INO80: variants seen among roughly 807,000 people sequenced by gnomAD.
INO80 encodes chromatin-remodeling ATPase INO80.
INO80 carries 20 observed loss-of-function variants against 203.4 expected under a neutral mutation model. The ratio of observed to expected loss-of-function variants is 0.10; its 90% CI spans 0.07 to 0.14. The LOEUF is 0.14. Among genes scored for constraint, INO80 ranks in the 10% least tolerant of loss-of-function variants. INO80 has a pLI of 1.00. For missense variants in INO80, 1,419 were observed against 1,914.4 expected, an observed-to-expected ratio of 0.74 and a Z score of 4.83; for synonymous variants, 726 against 685.2, an observed-to-expected ratio of 1.06 and a Z score of -0.93.
intron 14 of INO80, among the ~76,000 whole-genome samples, chr15:41,061,139 T>G (rs1330753189): frequency 6.6e-6 from 1 of 151,952 alleles, no homozygotes; most frequent in Non-Finnish European, 1.5e-5. Flanking sequence ...AAACTCTCTC[T>G]CTACAAAAAA....
chr15:41,049,140 T>A (rs748567887), intron 21 of INO80, 147 bp downstream of exon 21: 2 of 637,650 alleles, frequency 3.1e-6, no homozygotes, highest in African/African-American at 3.7e-5. Flanking sequence ...ATTCCTTCCA[T>A]AAGATCCCTC....
chr15:41,086,755 G>A (rs183281384), intron 6 of INO80, among the ~76,000 whole-genome samples: 14 of 152,136 alleles, frequency 9.2e-5, no homozygotes, highest in Admixed American at 7.2e-4. Flanking sequence ...TCCAGCTGCT[G>A]AGAGCTCAGT....
intron 27 of INO80, among the ~76,000 whole-genome samples, chr15:41,007,182 C>CTTTTTTTTTTTTTTT (rs11330780): frequency 4.2e-5 from 5 of 119,308 alleles, no homozygotes; most frequent in African/African-American, 6.6e-5. Flanking sequence ...TTTTTTTTTT[C>CTTTTTTTTTTTTTTT]TTTTTTTTTT....
chr15:41,073,580 T>C, intron 10 of INO80, 85 bp from the exon 11 acceptor site: 2 of 1,058,718 alleles, frequency 1.9e-6, no homozygotes, highest in South Asian at 1.3e-5. Flanking sequence ...TGTGGATCCC[T>C]GATTCCCTCA....
intron 5 of INO80, among the ~76,000 whole-genome samples, chr15:41,089,148 C>T (rs2045599761): frequency 6.6e-6 from 1 of 152,124 alleles, no homozygotes; most frequent in Non-Finnish European, 1.5e-5. Flanking sequence ...CAAGATCATG[C>T]CACTGCATTT....
Position 41,116,104 on chromosome 15 carries a change from G to A in INO80, c.-175C>T. 1 of 397,336 alleles carries A rather than the reference G, an allele frequency of 2.5e-6. No homozygotes were observed. The highest frequency in any genetic ancestry group is 4.4e-6 in the Non-Finnish European group (1 of 225,178). The allele number at this position is 397,336 out of a possible 1,614,324, so 24.6% of individuals were successfully genotyped here. ...TCTCTGAGGCCGTGGGACGGTGACT[G>A]CGTTGGGCGTGGACGCTCCTAGCTC... On this transcript the variant is annotated 5_prime_UTR_variant, in exon 1 of 36. Coordinates refer to ENST00000648947, the MANE Select transcript of INO80 (RefSeq NM_017553.3).
intron 16 of INO80, 27 bp downstream of exon 16, chr15:41,058,612 G>C (rs1288693826): frequency 6.2e-7 from 1 of 1,602,882 alleles, no homozygotes; most frequent in Non-Finnish European, 8.5e-7. Context: ...CCAATGCATT[G>C]AGTTTGGTTT....
intron 27 of INO80, among the ~76,000 whole-genome samples, chr15:41,014,436 G>A (rs976752300): frequency 1.3e-5 from 2 of 152,064 alleles, no homozygotes; most frequent in African/African-American, 4.8e-5. Context: ...TTGGCTGTTG[G>A]GATCATCTGT....
chr15:40,987,064 G>T, intron 31 of INO80, 27 bp downstream of exon 31: 1 of 1,266,140 alleles, frequency 7.9e-7, no homozygotes, highest in Non-Finnish European at 1.2e-6. Context: ...TACGTGAGGG[G>T]AGTGTATAGA....
intron 25 of INO80, among the ~76,000 whole-genome samples, chr15:41,025,161 T>TA (rs978541815): frequency 2.6e-5 from 4 of 152,250 alleles, no homozygotes; most frequent in African/African-American, 9.6e-5. Context: ...TCACAGCAAT[T>TA]AGAGTTTTCC....
chr15:41,038,016 T>C (rs1453782808), intron 24 of INO80, among the ~76,000 whole-genome samples: 16 of 131,594 alleles, frequency 1.2e-4, no homozygotes, highest in East Asian at 6.2e-4. Flanking sequence ...CTTTTCTTTT[T>C]TTTTTTTTTT....
chr15:41,022,038 G>A (rs534030309), intron 25 of INO80, among the ~76,000 whole-genome samples: 1 of 152,326 alleles, frequency 6.6e-6, no homozygotes, highest in Non-Finnish European at 1.5e-5. Context: ...CAAATATGCT[G>A]AAAGCCCATT....
In INO80 at chr15:41,095,484, TAA is replaced by T. The variant is rs572034076; in HGVS notation, c.381+115_381+116del. 6.8e-3 allele frequency: 4,972 copies of T among 731,184 alleles called. 22 individuals are homozygous for T. The highest frequency in any genetic ancestry group is 8.9e-3 in the Non-Finnish European group (3,790 of 425,092). The allele number at this position is 731,184 out of a possible 1,614,324, so 45.3% of individuals were successfully genotyped here. A position where few individuals can be genotyped will look rare whatever the true frequency, so the allele number is the denominator to read the frequency against. On this transcript the variant is annotated intron_variant, in intron 4 of 35. Coordinates refer to ENST00000648947, the MANE Select transcript of INO80 (RefSeq NM_017553.3). ...CTCTTCAAAAAAACCACATCCAGTA[TAA>T]GAGAATCATATTTGAAAAACTCTGT...
At chr15:41,100,301 C>A (rs971358520) in intron 1 of INO80, among the ~76,000 whole-genome samples, 1 of 152,206 alleles carries the variant, frequency 6.6e-6, no homozygotes, top group East Asian at 1.9e-4. Context: ...GTCTCGATCT[C>A]CTGACCTCGT....
chr15:41,096,035 ACT>A, intron 2 of INO80, 107 bp from the exon 3 acceptor site: 1 of 1,407,254 alleles, frequency 7.1e-7, no homozygotes, highest in Non-Finnish European at 9.6e-7. Context: ...AAATAAATTG[ACT>A]TTTTTATTTG....
At chr15:41,105,315 T>A (rs1295748679) in intron 1 of INO80, among the ~76,000 whole-genome samples, 1 of 152,178 alleles carries the variant, frequency 6.6e-6, no homozygotes, top group Non-Finnish European at 1.5e-5. Flanking sequence ...GAATTCCAAG[T>A]GGGGATCCAA....
intron 24 of INO80, among the ~76,000 whole-genome samples, chr15:41,044,648 T>C (rs2044722573): frequency 6.6e-6 from 1 of 152,058 alleles, no homozygotes; most frequent in Non-Finnish European, 1.5e-5. Flanking sequence ...TACACATATA[T>C]AAATTCACAG....
At chr15:41,115,950 C>A in intron 1 of INO80, 23 bp downstream of exon 1, 2 of 385,436 alleles carry the variant, frequency 5.2e-6, no homozygotes, top group Non-Finnish European at 9.2e-6. Flanking sequence ...CTCCGTTCGC[C>A]CGCCCACGTC....
intron 35 of INO80, 99 bp from the exon 36 acceptor site, chr15:40,980,539 G>A: frequency 3.5e-6 from 3 of 848,846 alleles, no homozygotes; most frequent in Non-Finnish European, 3.8e-6. Flanking sequence ...TGGAGGAGAA[G>A]TGGTGGGCAA....
Sources: allele counts gnomAD v4.1 joint callset (sites outside exome capture counted in the v4.1 genomes callset), GRCh38; gene constraint gnomAD v4.1.1; transcripts MANE v1.5; gene names NCBI Gene and HGNC (gene_info 2026-07-23, HGNC 2026-07-21).